RIMS1: variants seen among roughly 807,000 people sequenced by gnomAD.
The protein encoded by RIMS1 is regulating synaptic membrane exocytosis protein 1.
In RIMS1, 83 loss-of-function variants were observed where a neutral mutation model predicts 214.1. That is an observed-to-expected ratio of 0.39 (90% CI 0.32 to 0.47). RIMS1 has a LOEUF of 0.47. Among genes scored for constraint, RIMS1 ranks in the 20% least tolerant of loss-of-function variants. RIMS1 has a pLI of 0.99. For missense variants in RIMS1, 2,050 were observed against 2,161.8 expected (o/e 0.95, Z 1.03); for synonymous variants, 793 against 786.8 (o/e 1.01, Z -0.13).
At chr6:72,022,667 G>A (rs1055722866) in intron 2 of RIMS1, among the ~76,000 whole-genome samples, 1 of 152,146 alleles carries the variant, frequency 6.6e-6, no homozygotes, top group African/African-American at 2.4e-5. Flanking sequence ...AGTCGTGTTC[G>A]ATGAAATTGG....
At chr6:72,244,648 T>G (rs1164100981) in intron 10 of RIMS1, among the ~76,000 whole-genome samples, 1 of 151,806 alleles carries the variant, frequency 6.6e-6, no homozygotes, top group African/African-American at 2.4e-5. Flanking sequence ...TTTTAATTCA[T>G]TCAAATGATT....
intron 29 of RIMS1, among the ~76,000 whole-genome samples, chr6:72,352,061 C>G (rs2097467613): frequency 6.6e-6 from 1 of 152,166 alleles, no homozygotes; most frequent in Admixed American, 6.6e-5. Flanking sequence ...CTAAATGGGG[C>G]ATGTCATTGA....
chr6:72,051,330 G>A (rs1824603346), intron 2 of RIMS1, among the ~76,000 whole-genome samples: 1 of 152,142 alleles, frequency 6.6e-6, no homozygotes, highest in Non-Finnish European at 1.5e-5. Context: ...GGGAGAGAAG[G>A]AAGGACTTTA....
At chr6:72,322,770 C>T (rs909155094) in intron 28 of RIMS1, among the ~76,000 whole-genome samples, 1 of 151,972 alleles carries the variant, frequency 6.6e-6, no homozygotes, top group Non-Finnish European at 1.5e-5. Context: ...ATAATAGAGC[C>T]GTAAGCAGAG....
chr6:72,191,375 G>A (rs1401417017), intron 6 of RIMS1, among the ~76,000 whole-genome samples: 2 of 152,188 alleles, frequency 1.3e-5, no homozygotes, highest in Non-Finnish European at 2.9e-5. Context: ...TGAGGTAGAA[G>A]GTCCCTGAAT....
At chr6:72,015,486 T>C (rs187195764) in intron 2 of RIMS1, among the ~76,000 whole-genome samples, 5 of 152,330 alleles carry the variant, frequency 3.3e-5, no homozygotes, top group Admixed American at 2.0e-4. Flanking sequence ...GGAATAGTAT[T>C]CTTTGTTGCT....
intron 29 of RIMS1, among the ~76,000 whole-genome samples, chr6:72,383,157 CTTCTT>C (rs1054866872): frequency 2.0e-5 from 3 of 152,116 alleles, no homozygotes; most frequent in Non-Finnish European, 2.9e-5. Context: ...CTCCCCTTCT[CTTCTT>C]CTCTTCATAT....
At chr6:72,172,614 C>T (rs566776168) in intron 4 of RIMS1, among the ~76,000 whole-genome samples, 165 of 152,220 alleles carry the variant, frequency 1.1e-3, no homozygotes, top group Non-Finnish European at 1.7e-3. Flanking sequence ...AGTCATTAAC[C>T]AGAGCCAAGC....
At chr6:72,371,221 A>G (rs1273612689) in intron 29 of RIMS1, among the ~76,000 whole-genome samples, 8 of 151,950 alleles carry the variant, frequency 5.3e-5, no homozygotes, top group Admixed American at 5.2e-4. Context: ...TCTTATGCAA[A>G]TTTATTTAAT....
chr6:71,969,252 T>A (rs1274873157), intron 2 of RIMS1, among the ~76,000 whole-genome samples, 189 bp downstream of exon 2: 2 of 152,368 alleles, frequency 1.3e-5, no homozygotes, highest in Non-Finnish European at 2.9e-5. Flanking sequence ...GTGATGTTTC[T>A]AATACCATAT....
intron 28 of RIMS1, among the ~76,000 whole-genome samples, chr6:72,331,713 T>C (rs1399850857): frequency 6.6e-6 from 1 of 151,838 alleles, no homozygotes; most frequent in Non-Finnish European, 1.5e-5. Context: ...TCATACATAA[T>C]AATACTCTCA....
intron 2 of RIMS1, among the ~76,000 whole-genome samples, chr6:72,021,549 A>T (rs1814690524): frequency 6.6e-6 from 1 of 152,188 alleles, no homozygotes; most frequent in African/African-American, 2.4e-5. Flanking sequence ...TTATGTGTAA[A>T]ACTTAAGCCC....
chr6:72,024,965 A>G (rs1282073031), intron 2 of RIMS1, among the ~76,000 whole-genome samples: 1 of 129,930 alleles, frequency 7.7e-6, no homozygotes, highest in African/African-American at 2.9e-5. Flanking sequence ...GTGCAATGGC[A>G]CTATCTCGGC....
At chr6:72,009,856 C>T (rs1809646192) in intron 2 of RIMS1, among the ~76,000 whole-genome samples, 1 of 152,098 alleles carries the variant, frequency 6.6e-6, no homozygotes, top group Admixed American at 6.6e-5. Flanking sequence ...CCAAAAAAAT[C>T]CAGGACCAGA....
In RIMS1 at chr6:72,020,038, CT is replaced by C. The variant is rs542498223; in HGVS notation, c.245+50976del. On this transcript the variant is annotated intron_variant, in intron 2 of 33. Transcript: ENST00000521978. ...GAGGCAGAAAACTGGGGTTCAAATC[CT>C]GCTCTGTCACTTCCACAACAAGTCA... Among the ~76,000 whole-genome samples the C allele has an allele frequency of 3.7e-4, 56 of 152,300 alleles. No homozygotes were observed. The East Asian group carries it at 0.01, about 27-fold the overall frequency.
chr6:72,083,972 C>T (rs1834035989), intron 2 of RIMS1, among the ~76,000 whole-genome samples: 1 of 152,112 alleles, frequency 6.6e-6, no homozygotes, highest in Admixed American at 6.6e-5. Context: ...TGGTTTTTTT[C>T]CCTCTTTATA....
At chr6:72,256,533 C>G (rs2075943510) in intron 16 of RIMS1, among the ~76,000 whole-genome samples, 1 of 151,978 alleles carries the variant, frequency 6.6e-6, no homozygotes, top group Non-Finnish European at 1.5e-5. Context: ...TATACAAAAT[C>G]TATTTATATA....
chr6:71,946,696 AG>A (rs1472226737), intron 1 of RIMS1, among the ~76,000 whole-genome samples: 1 of 152,150 alleles, frequency 6.6e-6, no homozygotes, highest in Non-Finnish European at 1.5e-5. Flanking sequence ...AAAAACTTAG[AG>A]GAAAAGCTCT....
At chr6:72,368,076 CATTT>C (rs932958986) in intron 29 of RIMS1, among the ~76,000 whole-genome samples, 10 of 152,082 alleles carry the variant, frequency 6.6e-5, no homozygotes, top group African/African-American at 2.2e-4. Context: ...TAGTTTCATT[CATTT>C]GTCTTAAAAG....
Sources: allele counts gnomAD v4.1 joint callset (sites outside exome capture counted in the v4.1 genomes callset), GRCh38; gene constraint gnomAD v4.1.1; transcripts MANE v1.5; gene names NCBI Gene and HGNC (gene_info 2026-07-23, HGNC 2026-07-21).